Variants in TRPC5 observed in about 807,000 individuals in gnomAD.
TRPC5 encodes short transient receptor potential channel 5.
TRPC5 carries 9 observed loss-of-function variants against 56.5 expected under a neutral mutation model. That is an observed-to-expected ratio of 0.16 (90% CI 0.10 to 0.28). The LOEUF (loss-of-function observed/expected upper bound fraction) is 0.28, where lower values mean the gene tolerates loss of function less well. Ranked by LOEUF, TRPC5 falls within the 10% of genes least tolerant of loss-of-function variation. The pLI is 1.00. For missense variants in TRPC5, 469 were observed against 748.9 expected, an observed-to-expected ratio of 0.63 and a Z score of 4.36; for synonymous variants, 282 against 278.5, an observed-to-expected ratio of 1.01 and a Z score of -0.13.
At position 111,847,173 on chromosome X, in the gene TRPC5, G is replaced by A. The variant is rs756533089; in HGVS notation, c.1641C>T (p.Ile547=). 11 of 1,209,824 alleles carry A rather than the reference G, an allele frequency of 9.1e-6. No individual in the cohort carries two copies. The highest frequency in any genetic ancestry group is 1.8e-5 in the African/African-American group (1 of 57,084). Residue 547 remains isoleucine (I), a synonymous_variant, in exon 6 of 11, where the codon ATC becomes ATT. Transcript: ENST00000262839. ...QLYFYYETRA[I]DEPNNCKGIR... is the part of the protein sequence containing the mutation. ...TCCCCTTGCAGTTGTTAGGCTCATC[G>A]ATAGCTCTGGTTTCATAATAGAAGT... is the stretch of plus-strand genomic sequence containing the variant.
intron 1 of TRPC5, among the ~76,000 whole-genome samples, chrX:112,005,463 T>TAAAAA (rs745973541): frequency 1.5e-5 from 1 of 66,400 alleles, no homozygotes; most frequent in Non-Finnish European, 3.0e-5. Flanking sequence ...AACCTAAAAG[T>TAAAAA]AAAAAAAAAA....
intron 1 of TRPC5, among the ~76,000 whole-genome samples, chrX:112,001,104 T>C (rs1603139447): frequency 1.8e-5 from 2 of 112,587 alleles, no homozygotes; most frequent in South Asian, 7.4e-4. Flanking sequence ...AGTACATTCT[T>C]GCAGTTTTTC....
At chrX:112,002,326 TG>T (rs1928717442) in intron 1 of TRPC5, among the ~76,000 whole-genome samples, 3 of 111,115 alleles carry the variant, frequency 2.7e-5, no homozygotes, top group Admixed American at 9.6e-5. Context: ...AGCATTTTTT[TG>T]GGGGGTGGGG....
intron 4 of TRPC5, among the ~76,000 whole-genome samples, chrX:111,853,289 G>T (rs1236958670): frequency 9.0e-6 from 1 of 111,696 alleles, no homozygotes; most frequent in Non-Finnish European, 1.9e-5. Context: ...TTACCATGAT[G>T]TGTGAATTTC....
At chrX:111,829,965 C>T (rs990468633) in intron 7 of TRPC5, among the ~76,000 whole-genome samples, 1 of 112,667 alleles carries the variant, frequency 8.9e-6, no homozygotes, top group African/African-American at 3.2e-5. Flanking sequence ...ACAGCTTGCA[C>T]CATGTACCTG....
At chrX:111,971,022 C>T (rs1927770493) in intron 1 of TRPC5, among the ~76,000 whole-genome samples, 1 of 111,122 alleles carries the variant, frequency 9.0e-6, no homozygotes, top group Admixed American at 9.5e-5. Flanking sequence ...TCGTGATCCG[C>T]CCGCCTCGGC....
chrX:111,855,478 G>C (rs1212002847), intron 3 of TRPC5, among the ~76,000 whole-genome samples: 4 of 112,090 alleles, frequency 3.6e-5, no homozygotes, highest in Non-Finnish European at 5.6e-5. Flanking sequence ...GAACTAGCCT[G>C]CTGAATAAGA....
intron 2 of TRPC5, 60 bp from the exon 3 acceptor site, chrX:111,912,872 A>T: frequency 9.1e-7 from 1 of 1,099,253 alleles, no homozygotes; most frequent in Non-Finnish European, 1.2e-6. Context: ...AGAGAAGCAT[A>T]GGGCCTATAA....
At chrX:112,057,967 A>G (rs1930377473) in intron 1 of TRPC5, among the ~76,000 whole-genome samples, 1 of 111,439 alleles carries the variant, frequency 9.0e-6, no homozygotes, top group Non-Finnish European at 1.9e-5. Flanking sequence ...TATTCAAAAG[A>G]TGGTAATGGA....
intron 3 of TRPC5, among the ~76,000 whole-genome samples, chrX:111,869,487 C>G (rs1166348364): frequency 8.9e-6 from 1 of 111,902 alleles, no homozygotes; most frequent in Admixed American, 9.5e-5. Flanking sequence ...AACTGGAAGC[C>G]CTATCTTTCA....
At chrX:112,035,498 A>G (rs1602404523) in intron 1 of TRPC5, among the ~76,000 whole-genome samples, 1 of 110,783 alleles carries the variant, frequency 9.0e-6, no homozygotes, top group South Asian at 3.9e-4. Context: ...TTAGAGAAGC[A>G]TATGGTTTGG....
intron 3 of TRPC5, among the ~76,000 whole-genome samples, chrX:111,873,924 G>A (rs1923840354): frequency 8.9e-6 from 1 of 111,971 alleles, no homozygotes. Context: ...ATGTAACCAG[G>A]AACAGTGTGT....
At chrX:112,016,360 A>AGTGTGT (rs113555140) in intron 1 of TRPC5, among the ~76,000 whole-genome samples, 4 of 102,852 alleles carry the variant, frequency 3.9e-5, no homozygotes, top group South Asian at 4.4e-4. Context: ...GGAAGGTTGG[A>AGTGTGT]GTGTGTGTGT....
intron 3 of TRPC5, among the ~76,000 whole-genome samples, chrX:111,860,065 C>G (rs763646915): frequency 1.0e-5 from 1 of 95,443 alleles, no homozygotes; most frequent in East Asian, 2.8e-4. Context: ...CCCGCCACCA[C>G]GACCGGCTAA....
intron 3 of TRPC5, among the ~76,000 whole-genome samples, chrX:111,890,563 C>T (rs1215114673): frequency 2.7e-5 from 3 of 111,302 alleles, no homozygotes; most frequent in African/African-American, 6.5e-5. Flanking sequence ...CTCCTGTACA[C>T]CAAGAGACAA....
chrX:111,947,585 A>G (rs774835832), intron 2 of TRPC5, among the ~76,000 whole-genome samples: 1 of 111,356 alleles, frequency 9.0e-6, no homozygotes, highest in African/African-American at 3.3e-5. Flanking sequence ...CACCTCGGAC[A>G]AATCCCAAAG....
chrX:111,966,674 C>T (rs1200795663), intron 1 of TRPC5, among the ~76,000 whole-genome samples: 2 of 109,943 alleles, frequency 1.8e-5, no homozygotes, highest in East Asian at 5.7e-4. Flanking sequence ...GCTGGTTCAA[C>T]ATATGCAAAT....
chrX:111,971,775 G>A (rs1283884445), intron 1 of TRPC5, among the ~76,000 whole-genome samples: 1 of 111,677 alleles, frequency 9.0e-6, no homozygotes, highest in African/African-American at 3.3e-5. Context: ...CTTAACCTCA[G>A]TACTTCAGAA....
At chrX:112,009,409 A>G (rs981308549) in intron 1 of TRPC5, among the ~76,000 whole-genome samples, 1 of 111,229 alleles carries the variant, frequency 9.0e-6, no homozygotes, top group South Asian at 3.9e-4. Flanking sequence ...GGCAGCTTTG[A>G]CAGCCATAGA....
Sources: allele counts gnomAD v4.1 joint callset (sites outside exome capture counted in the v4.1 genomes callset), GRCh38; gene constraint gnomAD v4.1.1; transcripts MANE v1.5; gene names NCBI Gene and HGNC (gene_info 2026-07-23, HGNC 2026-07-21).